Variants in UXS1 observed in about 807,000 individuals in gnomAD.
UXS1 encodes UDP-glucuronic acid decarboxylase 1.
UXS1 carries 33 observed loss-of-function variants against 62.6 expected under a neutral mutation model. The ratio of observed to expected loss-of-function variants is 0.53; its 90% CI spans 0.40 to 0.70. UXS1 has a LOEUF of 0.70. Among genes scored for constraint, UXS1 ranks in the 30% least tolerant of loss-of-function variants. The pLI is 0.00. For synonymous variants in UXS1, 213 were observed against 206.8 expected (o/e 1.03, Z -0.26); for missense variants, 434 against 556.3 (o/e 0.78, Z 2.21).
intron 11 of UXS1, chr2:106,101,441 C>A: frequency 3.9e-6 from 1 of 255,394 alleles, no homozygotes; most frequent in Non-Finnish European, 7.4e-6. Flanking sequence ...AAAAACTAAG[C>A]ATAAGTTAAA....
chr2:106,190,626 C>T (rs1376212919), intron 1 of UXS1, among the ~76,000 whole-genome samples: 1 of 151,798 alleles, frequency 6.6e-6, no homozygotes, highest in Non-Finnish European at 1.5e-5. Flanking sequence ...GCCTGTAATC[C>T]CAGCTACTCA....
At chr2:106,168,679 C>T (rs1469075353) in intron 1 of UXS1, among the ~76,000 whole-genome samples, 1 of 152,132 alleles carries the variant, frequency 6.6e-6, no homozygotes, top group Non-Finnish European at 1.5e-5. Context: ...ATGTCATGGC[C>T]TTATTTATAA....
At chr2:106,097,153 G>A (rs545007527) in intron 13 of UXS1, 1 of 484,506 alleles carries the variant, frequency 2.1e-6, no homozygotes, top group East Asian at 6.2e-5. Context: ...CAGGTAACAA[G>A]TGCAGACGTG....
intron 4 of UXS1, among the ~76,000 whole-genome samples, chr2:106,162,374 G>C (rs1682952643): frequency 6.6e-6 from 1 of 152,180 alleles, no homozygotes; most frequent in African/African-American, 2.4e-5. Flanking sequence ...CATGTTGAGA[G>C]CTCTTGTTTG....
chr2:106,146,544 C>T (rs913610253), intron 5 of UXS1, among the ~76,000 whole-genome samples: 3 of 151,504 alleles, frequency 2.0e-5, no homozygotes, highest in African/African-American at 7.3e-5. Flanking sequence ...TTTGGGAGGC[C>T]GAGACAGGTG....
At chr2:106,143,219 T>A (rs1681267344) in intron 6 of UXS1, among the ~76,000 whole-genome samples, 1 of 151,330 alleles carries the variant, frequency 6.6e-6, no homozygotes, top group African/African-American at 2.4e-5. Flanking sequence ...CCATCCTGGC[T>A]AACAGGGTGA....
chr2:106,194,026 C>A, intron 1 of UXS1, 122 bp downstream of exon 1: 1 of 668,700 alleles, frequency 1.5e-6, no homozygotes, highest in South Asian at 4.2e-5. Flanking sequence ...CCGGCCCCGC[C>A]CGGGGCGGGG....
At chr2:106,112,953 C>G (rs1198459297) in intron 9 of UXS1, among the ~76,000 whole-genome samples, 188 bp from the exon 10 acceptor site, 1 of 152,158 alleles carries the variant, frequency 6.6e-6, no homozygotes, top group Non-Finnish European at 1.5e-5. Context: ...CTACACAGGG[C>G]TATACCAAAG....
chr2:106,120,288 T>C (rs1237926312), intron 9 of UXS1, among the ~76,000 whole-genome samples: 1 of 152,190 alleles, frequency 6.6e-6, no homozygotes, highest in Non-Finnish European at 1.5e-5. Flanking sequence ...CTGCTCTTAG[T>C]CACGTCATTC....
At chr2:106,154,605 A>T (rs1682287242) in intron 5 of UXS1, among the ~76,000 whole-genome samples, 1 of 152,190 alleles carries the variant, frequency 6.6e-6, no homozygotes, top group Admixed American at 6.5e-5. Context: ...TCAGAGGGGC[A>T]TAGGCATGGC....
At chr2:106,105,536 C>T (rs940873745) in intron 10 of UXS1, among the ~76,000 whole-genome samples, 4 of 152,194 alleles carry the variant, frequency 2.6e-5, no homozygotes, top group African/African-American at 4.8e-5. Context: ...CCTTTAGGGA[C>T]AAGCTCTGAT....
At chr2:106,115,166 A>G (rs1339907404) in intron 9 of UXS1, among the ~76,000 whole-genome samples, 1 of 152,176 alleles carries the variant, frequency 6.6e-6, no homozygotes, top group African/African-American at 2.4e-5. Flanking sequence ...ACATGCATGG[A>G]TTGGAGAAAG....
chr2:106,166,001 C>T, intron 2 of UXS1, 55 bp downstream of exon 2: 1 of 1,552,364 alleles, frequency 6.4e-7, no homozygotes, highest in Non-Finnish European at 8.8e-7. Flanking sequence ...TATGTACCAA[C>T]TGAAATGTGT....
intron 11 of UXS1, chr2:106,102,293 G>A (rs931428835): frequency 5.9e-5 from 9 of 152,164 alleles, no homozygotes; most frequent in African/African-American, 2.2e-4. Flanking sequence ...ATCTGTGCAG[G>A]TTTATAAAAA....
intron 13 of UXS1, 111 bp from the exon 14 acceptor site, chr2:106,096,932 G>A: frequency 9.2e-7 from 1 of 1,082,272 alleles, no homozygotes; most frequent in Non-Finnish European, 1.4e-6. Context: ...ATAGGGTGCA[G>A]GCGGTGGAAA....
At chr2:106,166,424 T>C (rs1488029190) in intron 1 of UXS1, 2 of 190,560 alleles carry the variant, frequency 1.0e-5, no homozygotes, top group African/African-American at 4.7e-5. Flanking sequence ...TAAAATAACA[T>C]AAGCTACTGA....
chr2:106,096,875 C>T (rs1325673642), intron 13 of UXS1, 54 bp from the exon 14 acceptor site: 6 of 1,501,760 alleles, frequency 4.0e-6, no homozygotes, highest in African/African-American at 1.4e-5. Flanking sequence ...CATGGGTAAG[C>T]ACAGCCTTAC....
chr2:106,139,714 T>C (rs1259252374), intron 6 of UXS1, among the ~76,000 whole-genome samples: 1 of 152,214 alleles, frequency 6.6e-6, no homozygotes, highest in Non-Finnish European at 1.5e-5. Context: ...AGTGACATAG[T>C]CTGTGTCAAG....
chr2:106,161,662 ACT>A (rs1469787114), intron 4 of UXS1, among the ~76,000 whole-genome samples: 6 of 152,130 alleles, frequency 3.9e-5, no homozygotes, highest in Non-Finnish European at 8.8e-5. Context: ...GATTAAACTT[ACT>A]GTTTAGCCAG....
Sources: gnomAD v4.1 joint callset for allele counts (sites outside exome capture counted in the v4.1 genomes callset) on GRCh38, gnomAD v4.1.1 for gene constraint, MANE v1.5 for transcripts, NCBI Gene and HGNC (gene_info 2026-07-23, HGNC 2026-07-21) for gene names.